Variants in GRM7 observed in about 807,000 individuals in gnomAD.
The protein encoded by GRM7 is glutamate metabotropic receptor 7, also known as metabotropic glutamate receptor 7.
Under a neutral mutation model 84.5 loss-of-function variants are expected in GRM7, and 35 were observed. The ratio of observed to expected loss-of-function variants is 0.41; its 90% CI spans 0.32 to 0.55. The LOEUF is 0.55. Ranked by LOEUF, GRM7 falls within the 20% of genes least tolerant of loss-of-function variation. GRM7 has a pLI of 0.19. For synonymous variants in GRM7, 487 were observed against 455.1 expected (o/e 1.07, Z -0.89); for missense variants, 1,003 against 1,194.6 (o/e 0.84, Z 2.36).
chr3:6,881,146 T>G (rs1465731444), intron 1 of GRM7, among the ~76,000 whole-genome samples: 1 of 152,184 alleles, frequency 6.6e-6, no homozygotes, highest in Non-Finnish European at 1.5e-5. Context: ...TTAATTTTTA[T>G]TTTTAGTTCT....
chr3:6,940,665 T>C (rs1411249362), intron 1 of GRM7, among the ~76,000 whole-genome samples: 2 of 150,408 alleles, frequency 1.3e-5, no homozygotes, highest in Non-Finnish European at 3.0e-5. Flanking sequence ...TCAAATTAAA[T>C]TCAATCCAAG....
At chr3:7,678,572 T>C (rs892131496) in intron 8 of GRM7, among the ~76,000 whole-genome samples, 9 of 152,212 alleles carry the variant, frequency 5.9e-5, no homozygotes, top group Non-Finnish European at 1.2e-4. Flanking sequence ...TAGGGAAATA[T>C]GAACTTTAAA....
At chr3:7,727,079 A>T (rs1702157575) in intron 9 of GRM7, among the ~76,000 whole-genome samples, 1 of 152,024 alleles carries the variant, frequency 6.6e-6, no homozygotes, top group Non-Finnish European at 1.5e-5. Context: ...AATACTCACA[A>T]TTTTCAAACA....
intron 7 of GRM7, among the ~76,000 whole-genome samples, chr3:7,481,387 C>T (rs1484482268): frequency 6.6e-6 from 1 of 152,186 alleles, no homozygotes; most frequent in East Asian, 1.9e-4. Context: ...AACACTGCAC[C>T]TGGCCAATAA....
intron 2 of GRM7, among the ~76,000 whole-genome samples, chr3:7,239,337 T>C (rs1009969098): frequency 2.0e-5 from 3 of 152,060 alleles, no homozygotes; most frequent in African/African-American, 7.2e-5. Flanking sequence ...CCAAATGTGA[T>C]GTAGTAAAAG....
intron 1 of GRM7, among the ~76,000 whole-genome samples, chr3:7,123,200 G>A (rs1428997397): frequency 2.0e-5 from 3 of 152,218 alleles, no homozygotes; most frequent in African/African-American, 7.2e-5. Context: ...TGTTGAGAAT[G>A]TTTAAATGCA....
At chr3:7,629,245 C>A (rs1697758910) in intron 8 of GRM7, among the ~76,000 whole-genome samples, 1 of 152,060 alleles carries the variant, frequency 6.6e-6, no homozygotes, top group Admixed American at 6.6e-5. Flanking sequence ...ATAACCAAAG[C>A]AAAGAGGTAG....
intron 1 of GRM7, among the ~76,000 whole-genome samples, chr3:7,040,637 C>T (rs1195242967): frequency 6.6e-6 from 1 of 151,892 alleles, no homozygotes; most frequent in African/African-American, 2.4e-5. Flanking sequence ...TTGCCTACTC[C>T]TATTGTCTAG....
At chr3:7,206,860 G>T (rs1696257033) in intron 2 of GRM7, among the ~76,000 whole-genome samples, 1 of 152,060 alleles carries the variant, frequency 6.6e-6, no homozygotes, top group Non-Finnish European at 1.5e-5. Flanking sequence ...TGAAGAGCTG[G>T]CTTTACAATA....
chr3:7,578,630 G>C lies in GRM7; in HGVS notation c.1724G>C (p.Gly575Ala). Residue 575 changes from glycine to alanine, a missense_variant, in exon 8 of 10, where the codon GGA (glycine) becomes GCA (alanine). Physicochemically the swap from Gly to Ala is moderately conservative, Grantham distance 60. This residue lies in a region of GRM7 where 910 missense variants were observed against 1,126.0 expected (regional missense o/e 0.81). Coordinates refer to ENST00000357716, the MANE Select transcript of GRM7 (RefSeq NM_000844.4). ...YDQRPNENRT[G>A]CQDIPIIKLE... ...CAGAGGCCCAATGAAAATCGAACCG[G>C]ATGCCAGGATATTCCCATCATCAAA... The C allele has an allele frequency of 6.2e-7, 1 of 1,613,942 alleles. No homozygotes were observed. Among genetic ancestry groups the C allele is most frequent in the Non-Finnish European group, 8.5e-7 (1 of 1,179,894 alleles).
In GRM7 at chr3:7,647,115, G is replaced by A. The variant is rs570598035; in HGVS notation, c.2452-32934G>A. On this transcript the variant is annotated intron_variant, in intron 8 of 9. Coordinates refer to ENST00000357716, the MANE Select transcript of GRM7 (RefSeq NM_000844.4). ...TAGATAATGGATGATTACGTAGATGGAAGGAAAGAACCCGTGTGGGTATGA... is the reference window on the plus strand; with the variant it reads ...TAGATAATGGATGATTACGTAGATGAAAGGAAAGAACCCGTGTGGGTATGA... Among the ~76,000 whole-genome samples the A allele has an allele frequency of 2.0e-5, 3 of 152,332 alleles. No homozygotes were observed. In the South Asian group the frequency reaches 6.2e-4, roughly 32 times the overall value.
At chr3:7,428,572 G>T (rs923345803) in intron 5 of GRM7, among the ~76,000 whole-genome samples, 3 of 152,084 alleles carry the variant, frequency 2.0e-5, no homozygotes, top group African/African-American at 7.2e-5. Flanking sequence ...TTGGGTTGTG[G>T]TCCTGGTCTT....
chr3:7,230,027 G>A (rs898180931), intron 2 of GRM7, among the ~76,000 whole-genome samples: 1 of 150,862 alleles, frequency 6.6e-6, no homozygotes, highest in Non-Finnish European at 1.5e-5. Flanking sequence ...TTTTAGTAGA[G>A]ACGGGGTTTC....
chr3:7,500,258 G>A (rs1428252296), intron 7 of GRM7, among the ~76,000 whole-genome samples: 1 of 152,130 alleles, frequency 6.6e-6, no homozygotes, highest in Non-Finnish European at 1.5e-5. Flanking sequence ...ATAGTCTATT[G>A]CATCAAATGC....
chr3:7,391,996 T>C (rs1445601089), intron 4 of GRM7, among the ~76,000 whole-genome samples: 1 of 152,120 alleles, frequency 6.6e-6, no homozygotes, highest in African/African-American at 2.4e-5. Flanking sequence ...CCTCTCTACA[T>C]CTATTCTTGA....
intron 2 of GRM7, among the ~76,000 whole-genome samples, chr3:7,220,037 T>G (rs555568718): frequency 6.6e-6 from 1 of 152,298 alleles, no homozygotes; most frequent in South Asian, 2.1e-4. Context: ...AAGTATAACA[T>G]GGATATCCAT....
chr3:6,935,102 T>C (rs573391731), intron 1 of GRM7, among the ~76,000 whole-genome samples: 1 of 152,290 alleles, frequency 6.6e-6, no homozygotes, highest in South Asian at 2.1e-4. Context: ...ACACAGTTGA[T>C]TTGGAAAACT....
chr3:7,561,631 C>T, intron 7 of GRM7: 4 of 454,000 alleles, frequency 8.8e-6, no homozygotes, highest in South Asian at 6.2e-5. Context: ...AGTCCTCCAG[C>T]AGTCTTGGAA....
intron 4 of GRM7, among the ~76,000 whole-genome samples, chr3:7,343,426 C>T (rs988532663): frequency 6.6e-6 from 1 of 152,028 alleles, no homozygotes; most frequent in African/African-American, 2.4e-5. Context: ...GTTGCCCAGG[C>T]TGGTATCAAA....
Sources: allele counts gnomAD v4.1 joint callset (sites outside exome capture counted in the v4.1 genomes callset), GRCh38; gene constraint gnomAD v4.1.1; regional missense constraint gnomAD v4.1.1; transcripts MANE v1.5; gene names NCBI Gene and HGNC (gene_info 2026-07-23, HGNC 2026-07-21).